The following LRP6 variants were observed in gnomAD, a reference collection of about 807,000 sequenced individuals.
LRP6 encodes the protein LDL receptor related protein 6.
LRP6 carries 43 observed loss-of-function variants against 184.1 expected under a neutral mutation model. That is an observed-to-expected ratio of 0.23 (90% CI 0.18 to 0.30). The LOEUF (loss-of-function observed/expected upper bound fraction) is 0.30, where lower values mean the gene tolerates loss of function less well. Ranked by LOEUF, LRP6 falls within the 10% of genes least tolerant of loss-of-function variation. The pLI, the probability that LRP6 is intolerant of heterozygous loss-of-function variation, is 1.00. For synonymous variants in LRP6, 719 were observed against 684.9 expected (o/e 1.05, Z -0.78); for missense variants, 1,571 against 2,005.3 (o/e 0.78, Z 4.14).
At chr12:12,232,004 A>AAAAAAAC (rs1555121915) in intron 2 of LRP6, among the ~76,000 whole-genome samples, 12 of 150,558 alleles carry the variant, frequency 8.0e-5, no homozygotes, top group Non-Finnish European at 1.5e-4. Context: ...GCCTCAAAAA[A>AAAAAAAC]AAAAACAAAA....
intron 2 of LRP6, among the ~76,000 whole-genome samples, chr12:12,234,521 AAAG>A (rs1864881790): frequency 1.3e-5 from 2 of 151,970 alleles, no homozygotes; most frequent in South Asian, 4.2e-4. Context: ...TCATGTAAGA[AAAG>A]AAGATTATAA....
chr12:12,205,343 A>C (rs894986014), intron 2 of LRP6, among the ~76,000 whole-genome samples: 5 of 147,366 alleles, frequency 3.4e-5, no homozygotes, highest in Admixed American at 6.7e-5. Flanking sequence ...AAAAAAAAAA[A>C]AAAAAAAAAA....
At chr12:12,221,356 A>G (rs1019247207) in intron 2 of LRP6, among the ~76,000 whole-genome samples, 1 of 152,172 alleles carries the variant, frequency 6.6e-6, no homozygotes, top group Non-Finnish European at 1.5e-5. Flanking sequence ...TGATGACAAG[A>G]TAACCAGTTC....
intron 15 of LRP6, among the ~76,000 whole-genome samples, chr12:12,140,365 A>T (rs934199496): frequency 6.6e-6 from 1 of 152,118 alleles, no homozygotes; most frequent in African/African-American, 2.4e-5. Context: ...AGAAAGTATA[A>T]CAAAAACACA....
At chr12:12,246,000 T>TTG in intron 1 of LRP6, among the ~76,000 whole-genome samples, 1 of 142,330 alleles carries the variant, frequency 7.0e-6, no homozygotes, top group African/African-American at 2.5e-5. Context: ...TATAAACTTT[T>TTG]TTTTTTTTTT....
In LRP6 at chr12:12,155,746, C is replaced by T; in HGVS notation, c.2791+3083G>A. On this transcript the variant is annotated intron_variant, in intron 12 of 22. Coordinates refer to ENST00000261349, the MANE Select transcript of LRP6 (RefSeq NM_002336.3). ...TGGGAAGGAGCCTGAGCTGCTGGAA[C>T]CTATTCCCTATGAATTCATGGCATA... The T allele has an allele frequency of 5.0e-6, 5 of 992,044 alleles. No homozygotes were observed. The South Asian group carries it at 6.3e-5, about 13-fold the overall frequency. 61.5% of individuals were successfully genotyped at this position (992,044 alleles called of 1,614,324 possible).
At position 12,125,296 on chromosome 12, in the gene LRP6, TG is replaced by T. The variant is rs1949657347; in HGVS notation, c.4448del (p.Ala1483GlufsTer3). The stretch of plus-strand genomic sequence containing the variant: ...ATTCAAAGGAAAACAGACTACTTAC[TG>T]CAGGGAAGTAAGTGCCTTTGGTGCT... ...SSSTKGTYFP[A>X]ILNPPPSPAT... On this transcript the variant is annotated frameshift_variant and splice_region_variant, in exon 21 of 23. Transcript: ENST00000261349. LOFTEE classifies it high-confidence loss of function. 6.2e-7 allele frequency: 1 copy of T among 1,614,104 alleles called. No individual in the cohort carries two copies. Among genetic ancestry groups the T allele is most frequent in the Non-Finnish European group, 8.5e-7 (1 of 1,179,994 alleles).
At chr12:12,240,981 A>T (rs1007473363) in intron 2 of LRP6, among the ~76,000 whole-genome samples, 1 of 152,180 alleles carries the variant, frequency 6.6e-6, no homozygotes, top group Non-Finnish European at 1.5e-5. Flanking sequence ...CATTATCATA[A>T]GGAAAAAAAA....
At chr12:12,162,547 T>C (rs909331928) in intron 9 of LRP6, 128 bp from the exon 10 acceptor site, 10 of 749,530 alleles carry the variant, frequency 1.3e-5, no homozygotes, top group Middle Eastern at 3.3e-4. Flanking sequence ...TATTTCCTAT[T>C]AAAATTCACA....
intron 9 of LRP6, among the ~76,000 whole-genome samples, chr12:12,162,976 C>T (rs1228177434): frequency 6.6e-6 from 1 of 151,972 alleles, no homozygotes; most frequent in African/African-American, 2.4e-5. Context: ...TATGGCATCA[C>T]CCCTATTTTA....
intron 1 of LRP6, among the ~76,000 whole-genome samples, chr12:12,253,715 A>T (rs1200964693): frequency 6.6e-6 from 1 of 151,994 alleles, no homozygotes; most frequent in Non-Finnish European, 1.5e-5. Context: ...TTCACTTTTA[A>T]GATTATCAGT....
chr12:12,194,030 C>T (rs1466963011), intron 3 of LRP6, among the ~76,000 whole-genome samples: 4 of 152,004 alleles, frequency 2.6e-5, no homozygotes, highest in African/African-American at 4.8e-5. Context: ...AATGCAAGAT[C>T]GGTTTAACAA....
rs1949598904 is a variant in LRP6, at chr12:12,121,123, T to C, written c.*3A>G. On this transcript the variant is annotated 3_prime_UTR_variant, in exon 23 of 23. Transcript: ENST00000261349. ...GAGGCAGTCAGAGGAGGAGGGCCCC[T>C]CCTCAGGAGGAGTCTGTACAGGGAG... is the stretch of plus-strand genomic sequence containing the variant. 1 of 1,587,838 alleles carries C rather than the reference T, an allele frequency of 6.3e-7. No homozygotes were observed.
Position 12,149,234 on chromosome 12 carries a change from T to G in LRP6, c.2995-81A>C, listed in dbSNP as rs1339131510. ...GGCAATCAGTCACAATGCTTACACC[T>G]ACATGGGCACACAGCTGAGAAGGCT... On this transcript the variant is annotated intron_variant, in intron 13 of 22. Transcript: ENST00000261349. 2.9e-6 allele frequency: 3 copies of G among 1,042,536 alleles called. No homozygotes were observed. In the East Asian group the frequency reaches 7.1e-5, roughly 25 times the overall value. 64.6% of individuals were successfully genotyped at this position (1,042,536 alleles called of 1,614,324 possible).
Position 12,135,199 on chromosome 12 carries a change from G to A in LRP6, c.3709C>T (p.Leu1237Phe). The A allele has an allele frequency of 6.2e-7, 1 of 1,613,920 alleles. No homozygotes were observed. The highest frequency in any genetic ancestry group is 1.7e-4 in the Middle Eastern group (1 of 6,058). The part of the protein sequence containing the change: ...RCSCPMHLVL[L>F]QDELSCGEPP... ...CCTCCACATGATAGCTCATCTTGAA[G>A]TAGAACCAGGTGCATGGGGCAAGAA... The change falls in exon 17 of 23, where the codon CTT becomes TTT. Residue 1237 changes from leucine to phenylalanine, a missense_variant. By Grantham distance (22) the Leu-to-Phe change is conservative (BLOSUM62 0). Transcript: ENST00000261349.
intron 2 of LRP6, among the ~76,000 whole-genome samples, chr12:12,240,759 G>A (rs1379612433): frequency 2.6e-5 from 4 of 152,054 alleles, no homozygotes; most frequent in African/African-American, 9.7e-5. Flanking sequence ...ACTTGACACA[G>A]GTCCTCAACA....
intron 2 of LRP6, among the ~76,000 whole-genome samples, chr12:12,209,342 G>A (rs1864146693): frequency 6.6e-6 from 1 of 152,142 alleles, no homozygotes; most frequent in Admixed American, 6.5e-5. Flanking sequence ...TTTTAGTAAT[G>A]AATAAAAGTA....
At chr12:12,139,169 A>G (rs1255111384) in intron 15 of LRP6, among the ~76,000 whole-genome samples, 2 of 152,212 alleles carry the variant, frequency 1.3e-5, no homozygotes, top group African/African-American at 2.4e-5. Context: ...CTTCTTTTTC[A>G]TAACAGTCCT....
chr12:12,125,253 A>C (rs1445314087), intron 21 of LRP6, 43 bp downstream of exon 21: 1 of 1,609,934 alleles, frequency 6.2e-7, no homozygotes, highest in Non-Finnish European at 8.5e-7. Flanking sequence ...AAAAAATCTA[A>C]GATCTTATGT....
Sources: gnomAD v4.1 joint callset for allele counts (sites outside exome capture counted in the v4.1 genomes callset) on GRCh38, gnomAD v4.1.1 for gene constraint, MANE v1.5 for transcripts, NCBI Gene and HGNC (gene_info 2026-07-23, HGNC 2026-07-21) for gene names.